The following SYNE1 variants were observed in gnomAD, a reference collection of about 807,000 sequenced individuals.
SYNE1 encodes the protein spectrin repeat containing nuclear envelope protein 1.
In SYNE1, 616 loss-of-function variants were observed where a neutral mutation model predicts 1,111.0. That is an observed-to-expected ratio of 0.55 (90% CI 0.52 to 0.59). SYNE1 has a LOEUF of 0.59. Among genes scored for constraint, SYNE1 ranks in the 20% least tolerant of loss-of-function variants. The pLI is 0.00. For missense variants in SYNE1, 10,006 were observed against 10,417.0 expected, an observed-to-expected ratio of 0.96 and a Z score of 1.72; for synonymous variants, 3,855 against 3,825.8, an observed-to-expected ratio of 1.01 and a Z score of -0.28.
chr6:152,154,949 A>G lies in SYNE1; in HGVS notation c.24072T>C (p.Phe8024=). 3 of 1,614,214 alleles carry G rather than the reference A, an allele frequency of 1.9e-6. No homozygotes were observed. Among genetic ancestry groups the G allele is most frequent in the Non-Finnish European group, 2.5e-6 (3 of 1,180,026 alleles). The change falls in exon 133 of 146, where the codon TTT becomes TTC. Residue 8024 remains phenylalanine (F), a synonymous_variant. Coordinates refer to ENST00000367255, the MANE Select transcript of SYNE1 (RefSeq NM_182961.4). ...TATAGATCACCCCAGAAGAGCTGGG[A>G]AAAGCAGCTGTCCTTTCTGAAGACT... is the stretch of plus-strand genomic sequence containing the variant. ...WLKSSERTAA[F]PSSSGVIYTV... is the part of the protein sequence containing the mutation.
rs1348934573 is a variant in SYNE1 at position 152,351,081 on chromosome 6, A to C, written c.11581-311T>G. ...TACCTTATTCCTTTCATCAGAGAAA[A>C]AAAATCTCAACATAAAAAGGCCACT... On this transcript the variant is annotated intron_variant, in intron 70 of 145. Transcript: ENST00000367255. Among the ~76,000 whole-genome samples the C allele has an allele frequency of 2.0e-5, 3 of 152,232 alleles. No individual in the cohort carries two copies. In the South Asian group the frequency reaches 6.2e-4, roughly 32 times the overall value.
At chr6:152,125,467 C>G in intron 145 of SYNE1, 1 of 1,313,086 alleles carries the variant, frequency 7.6e-7, no homozygotes, top group Middle Eastern at 1.9e-4. Context: ...GTCTCTCTGG[C>G]CTTCAGTTTT....
chr6:152,121,953 A>AT lies in SYNE1; in HGVS notation c.*482dup, dbSNP rs2051487525. 1 of 164,728 alleles carries AT rather than the reference A, an allele frequency of 6.1e-6. No individual in the cohort carries two copies. The highest frequency in any genetic ancestry group is 2.4e-5 in the African/African-American group (1 of 41,726). 10.2% of individuals were successfully genotyped at this position (164,728 alleles called of 1,614,324 possible). The stretch of plus-strand genomic sequence containing the variant: ...AACAAGGTAAAAAGGAAGCTGCCAT[A>AT]TAAGCTCTTAAAAATTGTATGTTAC... On this transcript the variant is annotated 3_prime_UTR_variant, in exon 146 of 146. Coordinates refer to ENST00000367255, the MANE Select transcript of SYNE1 (RefSeq NM_182961.4).
rs2079492004 is a variant in SYNE1, at chr6:152,219,229, T to G, written c.21862-44A>C. 5.7e-6 allele frequency: 9 copies of G among 1,584,604 alleles called. No individual in the cohort carries two copies. The East Asian group carries it at 1.3e-4, about 24-fold the overall frequency. ...TGCCCACTCTGAAGCATGTTGATAC[T>G]CCTTATCATAAACAGCAATCGGCAA... On this transcript the variant is annotated intron_variant, in intron 119 of 145. Coordinates refer to ENST00000367255, the MANE Select transcript of SYNE1 (RefSeq NM_182961.4).
In SYNE1 at chr6:152,328,347, T is replaced by A. The variant is rs144654801; in HGVS notation, c.14955+1383A>T. ...TGGGCCAAGAAGTTAAAGGAAGTAA[T>A]CCTCTAGGCACTATTTTTCTCTTCT... On this transcript the variant is annotated intron_variant, in intron 78 of 145. Transcript: ENST00000367255. Among the ~76,000 whole-genome samples the A allele has an allele frequency of 1.8e-4, 28 of 151,842 alleles. No homozygotes were observed. The East Asian group carries it at 5.4e-3, about 30-fold the overall frequency.
chr6:152,508,578 T>C (rs1365357860), intron 8 of SYNE1, among the ~76,000 whole-genome samples: 1 of 152,232 alleles, frequency 6.6e-6, no homozygotes, highest in African/African-American at 2.4e-5. Context: ...TGTGAAGCAA[T>C]GGACCACAGA....
In SYNE1 at chr6:152,138,748, G is replaced by A. The variant is rs559642210; in HGVS notation, c.25458+1202C>T. 2.6e-5 allele frequency among the ~76,000 whole-genome samples: 4 copies of A among 152,084 alleles called. No individual in the cohort carries two copies. The South Asian group carries it at 8.3e-4, about 32-fold the overall frequency. Reference sequence around the variant, plus strand: ...ATACTGTCCAAACAGGAAAAAACAAGCACTGATGGGTTTTAAAAAGAAACT... The same window carrying A: ...ATACTGTCCAAACAGGAAAAAACAAACACTGATGGGTTTTAAAAAGAAACT... On this transcript the variant is annotated intron_variant, in intron 140 of 145. Transcript: ENST00000367255.
chr6:152,309,028 C>T (rs1378379502), intron 90 of SYNE1, among the ~76,000 whole-genome samples: 1 of 152,038 alleles, frequency 6.6e-6, no homozygotes, highest in Non-Finnish European at 1.5e-5. Context: ...AATAAAAATA[C>T]GAATTATGGG....
At chr6:152,140,365 A>G (rs1262595051) in intron 139 of SYNE1, among the ~76,000 whole-genome samples, 1 of 152,222 alleles carries the variant, frequency 6.6e-6, no homozygotes, top group African/African-American at 2.4e-5. Flanking sequence ...TCTAATAATA[A>G]TGAAGCAAAA....
In SYNE1 at chr6:152,143,698, C is replaced by G. The variant is rs1418365497; in HGVS notation, c.25044G>C (p.Gln8348His). Residue 8348 changes from glutamine (Q) to histidine (H), a missense_variant, in exon 138 of 146, where the codon CAG becomes CAC. Around this residue, in one of 7 missense-constraint regions of SYNE1, gnomAD observed 761 missense variants for 795.5 expected, o/e 0.96. Coordinates refer to ENST00000367255, the MANE Select transcript of SYNE1 (RefSeq NM_182961.4). ...GAATGATATTTTCGGTTTGCTGTATCTGAAAACGGCTATCATCCAGGGCTT... is the reference window on the plus strand; with the variant it reads ...GAATGATATTTTCGGTTTGCTGTATGTGAAAACGGCTATCATCCAGGGCTT... Reference protein sequence around the residue: ...LGKALDDSRFQIQQTENIIRS... With the variant: ...LGKALDDSRFHIQQTENIIRS... 2 of 1,614,208 alleles carry G rather than the reference C, an allele frequency of 1.2e-6. No individual in the cohort carries two copies. Among genetic ancestry groups the G allele is most frequent in the East Asian group, 4.5e-5 (2 of 44,884 alleles).
At chr6:152,407,806 G>C (rs1343246783) in intron 44 of SYNE1, among the ~76,000 whole-genome samples, 1 of 144,298 alleles carries the variant, frequency 6.9e-6, no homozygotes, top group Non-Finnish European at 1.5e-5. Flanking sequence ...CTGTTTCCCA[G>C]GCTAGAGCGC....
intron 140 of SYNE1, among the ~76,000 whole-genome samples, chr6:152,137,051 A>G (rs1389952189): frequency 2.0e-5 from 3 of 152,124 alleles, no homozygotes; most frequent in South Asian, 2.1e-4. Flanking sequence ...TGTAGAGTGA[A>G]AACGTCAGAA....
chr6:152,246,233 A>G (rs1359471240), intron 105 of SYNE1, among the ~76,000 whole-genome samples: 1 of 152,164 alleles, frequency 6.6e-6, no homozygotes, highest in Non-Finnish European at 1.5e-5. Context: ...GCAACAAAAG[A>G]TTTCAATATG....
intron 8 of SYNE1, among the ~76,000 whole-genome samples, chr6:152,509,789 A>G (rs2099075834): frequency 6.6e-6 from 1 of 152,200 alleles, no homozygotes; most frequent in Non-Finnish European, 1.5e-5. Flanking sequence ...TGTGTACCTT[A>G]GTTCACACAG....
Position 152,353,635 on chromosome 6 carries a change from G to T in SYNE1, c.11036C>A (p.Ala3679Asp). The T allele has an allele frequency of 6.2e-7, 1 of 1,614,198 alleles. No homozygotes were observed. ...CTGGTATCTGGAAGTCAGCTGGGTG[G>T]CCTGGCAACCCATTCTGCTGTTCAC... is the stretch of plus-strand genomic sequence containing the variant. ...SHVNSRMGCQATQLTSRYQAL... is the reference protein window; with the variant it reads ...SHVNSRMGCQDTQLTSRYQAL... Residue 3679 changes from alanine (A) to aspartate (D), a missense_variant, in exon 68 of 146, where the codon GCC (alanine) becomes GAC (aspartate). Transcript: ENST00000367255.
intron 11 of SYNE1, 150 bp from the exon 12 acceptor site, chr6:152,488,653 G>A (rs893792059): frequency 2.8e-5 from 15 of 529,142 alleles, no homozygotes; most frequent in African/African-American, 2.7e-4. Flanking sequence ...CCACCTTTAG[G>A]ACAGTAAGAA....
rs371222816 is a variant in SYNE1, at chr6:152,136,600, G to C, written c.25659+18C>G. 18 of 1,612,170 alleles carry C rather than the reference G, an allele frequency of 1.1e-5. No homozygotes were observed. The highest frequency in any genetic ancestry group is 2.0e-4 in the Middle Eastern group (1 of 4,998). On this transcript the variant is annotated intron_variant, in intron 141 of 145. Coordinates refer to ENST00000367255, the MANE Select transcript of SYNE1 (RefSeq NM_182961.4). ...AATGTCTCTCTCTGAGTCACCTCCT[G>C]CCCAAAGCTCTACAGACCTGGCACT... is the stretch of plus-strand genomic sequence containing the variant.
intron 87 of SYNE1, 189 bp from the exon 88 acceptor site, chr6:152,311,062 C>T: frequency 3.1e-6 from 2 of 650,546 alleles, no homozygotes; most frequent in South Asian, 3.6e-5. Flanking sequence ...AAAAAGAAAT[C>T]ACAGTTTAGG....
At chr6:152,324,590 T>A (rs919047917) in intron 81 of SYNE1, among the ~76,000 whole-genome samples, 1 of 151,968 alleles carries the variant, frequency 6.6e-6, no homozygotes. Context: ...GTCAGGAGAT[T>A]GAGAACATCC....
Sources: gnomAD v4.1 joint callset for allele counts (sites outside exome capture counted in the v4.1 genomes callset) on GRCh38, gnomAD v4.1.1 for gene constraint, gnomAD v4.1.1 regional missense constraint, MANE v1.5 for transcripts, NCBI Gene and HGNC (gene_info 2026-07-23, HGNC 2026-07-21) for gene names.